Variants in FBRSL1 observed in about 807,000 individuals in gnomAD.
FBRSL1 encodes the protein fibrosin-1-like protein.
FBRSL1 carries 51 observed loss-of-function variants against 89.6 expected under a neutral mutation model. The ratio of observed to expected loss-of-function variants is 0.57; its 90% CI spans 0.45 to 0.72. FBRSL1 has a LOEUF of 0.72. Ranked by LOEUF, FBRSL1 falls within the 30% of genes least tolerant of loss-of-function variation. The probability of loss-of-function intolerance (pLI) is 0.00; values close to 1 mark genes in which losing one functional copy is unlikely to be tolerated. For synonymous variants in FBRSL1, 779 were observed against 681.1 expected (o/e 1.14, Z -2.24); for missense variants, 1,618 against 1,451.8 (o/e 1.11, Z -1.86).
chr12:132,531,001 G>T (rs549981253), intron 4 of FBRSL1, among the ~76,000 whole-genome samples: 3 of 150,582 alleles, frequency 2.0e-5, no homozygotes, highest in South Asian at 2.1e-4. Context: ...GTGTGGGGGG[G>T]GGGGTGCAGG....
At chr12:132,551,452 T>C (rs1476442415) in intron 5 of FBRSL1, 1 of 456,154 alleles carries the variant, frequency 2.2e-6, no homozygotes, top group Non-Finnish European at 4.4e-6. Context: ...CCGGGGCAGG[T>C]GGCAGTGCAC....
chr12:132,582,322 C>T, intron 18 of FBRSL1, 56 bp downstream of exon 18: 2 of 1,450,320 alleles, frequency 1.4e-6, no homozygotes, highest in Non-Finnish European at 9.4e-7. Context: ...CGTTCTTTCC[C>T]CCCTCCCGTC....
At chr12:132,492,707 C>T (rs536435514) in intron 1 of FBRSL1, among the ~76,000 whole-genome samples, 1 of 152,356 alleles carries the variant, frequency 6.6e-6, no homozygotes, top group African/African-American at 2.4e-5. Flanking sequence ...TCGGCTTAGA[C>T]CAGCTGGCCC....
intron 4 of FBRSL1, among the ~76,000 whole-genome samples, chr12:132,536,485 C>T (rs918820544): frequency 5.5e-5 from 8 of 146,646 alleles, no homozygotes; most frequent in Admixed American, 2.7e-4. Flanking sequence ...TGCACATGTA[C>T]ATGAAGGTGT....
At chr12:132,559,217 G>A (rs1254819179) in intron 5 of FBRSL1, among the ~76,000 whole-genome samples, 1 of 152,198 alleles carries the variant, frequency 6.6e-6, no homozygotes, top group Non-Finnish European at 1.5e-5. Flanking sequence ...GGTCTTGGGG[G>A]CTGCGCTGCA....
intron 15 of FBRSL1, among the ~76,000 whole-genome samples, chr12:132,577,752 C>T (rs1311201760): frequency 1.3e-5 from 2 of 152,250 alleles, no homozygotes; most frequent in Non-Finnish European, 2.9e-5. Context: ...CTGCCTGGCA[C>T]AGGCCCCCAG....
At chr12:132,562,736 G>A (rs1239683167) in intron 5 of FBRSL1, among the ~76,000 whole-genome samples, 1 of 152,086 alleles carries the variant, frequency 6.6e-6, no homozygotes, top group African/African-American at 2.4e-5. Context: ...GGCCCTTCCG[G>A]CGCGTGTGGG....
At chr12:132,561,025 G>A (rs571230351) in intron 5 of FBRSL1, among the ~76,000 whole-genome samples, 1 of 152,322 alleles carries the variant, frequency 6.6e-6, no homozygotes, top group South Asian at 2.1e-4. Context: ...TGCTGTGTGT[G>A]GTCTAGGAAG....
chr12:132,520,890 G>T (rs577914845), intron 2 of FBRSL1, among the ~76,000 whole-genome samples: 3 of 152,216 alleles, frequency 2.0e-5, no homozygotes, highest in Non-Finnish European at 4.4e-5. Flanking sequence ...TTCGGGGACG[G>T]CTTTGTGGGC....
Position 132,569,914 on chromosome 12 carries a change from C to G in FBRSL1, c.692-12C>G, listed in dbSNP as rs979587920. ...CCCTGCTGGTCTGAACGCAGCCACC[C>G]TCTCTCTGCAGGCCCAGCGCTTGAG... On this transcript the variant is annotated splice_polypyrimidine_tract_variant and intron_variant, in intron 6 of 18. Coordinates refer to ENST00000680143, the MANE Select transcript of FBRSL1 (RefSeq NM_001367871.1). The G allele has an allele frequency of 7.2e-7, 1 of 1,381,908 alleles. No homozygotes were observed. The highest frequency in any genetic ancestry group is 9.3e-7 in the Non-Finnish European group (1 of 1,073,426). The allele number at this position is 1,381,908 out of a possible 1,614,324, so 85.6% of individuals were successfully genotyped here.
In FBRSL1 at chr12:132,583,650, A is replaced by T; in HGVS notation, c.2881A>T (p.Thr961Ser). The T allele has an allele frequency of 9.7e-7, 1 of 1,026,748 alleles. No individual in the cohort carries two copies. Among genetic ancestry groups the T allele is most frequent in the Non-Finnish European group, 1.2e-6 (1 of 856,530 alleles). The allele number at this position is 1,026,748 out of a possible 1,614,324, so 63.6% of individuals were successfully genotyped here. ...CCTCGGCGCACCGCCCCCCCTGGTGACGGCGGCCGGGCCCCCCACGCCCCC... is the reference window on the plus strand; with the variant it reads ...CCTCGGCGCACCGCCCCCCCTGGTGTCGGCGGCCGGGCCCCCCACGCCCCC... ...AALGAPPPLV[T>S]AAGPPTPPGP... The change falls in exon 19 of 19, where the codon ACG becomes TCG. Residue 961 changes from threonine to serine, a missense_variant. By Grantham distance (58) the Thr-to-Ser change is moderately conservative. Coordinates refer to ENST00000680143, the MANE Select transcript of FBRSL1 (RefSeq NM_001367871.1).
chr12:132,519,213 A>G (rs867468455), intron 2 of FBRSL1, among the ~76,000 whole-genome samples: 1 of 152,262 alleles, frequency 6.6e-6, no homozygotes, highest in African/African-American at 2.4e-5. Flanking sequence ...CTTACAGTCT[A>G]CTGAAGAGAG....
In FBRSL1 at chr12:132,536,960, C is replaced by T. The variant is rs567867662; in HGVS notation, c.615+8972C>T. On this transcript the variant is annotated intron_variant, in intron 4 of 18. Coordinates refer to ENST00000680143, the MANE Select transcript of FBRSL1 (RefSeq NM_001367871.1). ...ATGTTGTGCCATGCCTGTGTGGTAA[C>T]GATCACAGTGAGGCCAGGGGCTCTG... 2.4e-4 allele frequency among the ~76,000 whole-genome samples: 36 copies of T among 152,292 alleles called. No individual in the cohort carries two copies. The South Asian group carries it at 3.5e-3, about 15-fold the overall frequency.
intron 1 of FBRSL1, among the ~76,000 whole-genome samples, chr12:132,501,923 G>A (rs2033026006): frequency 6.6e-6 from 1 of 152,230 alleles, no homozygotes; most frequent in Admixed American, 6.5e-5. Context: ...CACCTGCCCG[G>A]TGTCTCCAGC....
chr12:132,532,112 C>T (rs538708246), intron 4 of FBRSL1, among the ~76,000 whole-genome samples: 36 of 152,340 alleles, frequency 2.4e-4, no homozygotes, highest in African/African-American at 8.7e-4. Flanking sequence ...CTTGCCCTCC[C>T]ACACCCATGC....
chr12:132,507,622 C>G (rs979530367), intron 1 of FBRSL1, among the ~76,000 whole-genome samples: 1 of 152,156 alleles, frequency 6.6e-6, no homozygotes, highest in African/African-American at 2.4e-5. Flanking sequence ...GGAAGCATCT[C>G]TGTCCCAAAT....
chr12:132,512,397 G>A (rs900844919), intron 2 of FBRSL1, among the ~76,000 whole-genome samples: 19 of 152,252 alleles, frequency 1.2e-4, no homozygotes, highest in Admixed American at 3.3e-4. Flanking sequence ...ACGGAAGGCC[G>A]GGGCATGGAG....
In FBRSL1 at chr12:132,558,187, T is replaced by C. The variant is rs952287083; in HGVS notation, c.646-9294T>C. Among the ~76,000 whole-genome samples, 77 of 152,136 alleles carry C rather than the reference T, an allele frequency of 5.1e-4. 3 individuals carry two copies. Among genetic ancestry groups the C allele is most frequent in the Non-Finnish European group, 2.1e-4 (14 of 68,010 alleles). On this transcript the variant is annotated intron_variant, in intron 5 of 18. Coordinates refer to ENST00000680143, the MANE Select transcript of FBRSL1 (RefSeq NM_001367871.1). Reference sequence around the variant, plus strand: ...CCTGGGCCTGACCTTAACCCTGACTTATCCCTGAGGGCTCCACGCATTTCA... The same window carrying C: ...CCTGGGCCTGACCTTAACCCTGACTCATCCCTGAGGGCTCCACGCATTTCA...
intron 5 of FBRSL1, among the ~76,000 whole-genome samples, chr12:132,564,642 CCCG>C: frequency 8.1e-6 from 1 of 123,478 alleles, no homozygotes; most frequent in Non-Finnish European, 1.6e-5. Flanking sequence ...ACTACAGGCG[CCCG>C]CCACCACGCC....
Sources: gnomAD v4.1 joint callset for allele counts (sites outside exome capture counted in the v4.1 genomes callset) on GRCh38, gnomAD v4.1.1 for gene constraint, MANE v1.5 for transcripts, NCBI Gene and HGNC (gene_info 2026-07-23, HGNC 2026-07-21) for gene names.